The following FOXN3 variants were observed in gnomAD, a reference collection of about 807,000 sequenced individuals.
FOXN3 encodes the protein forkhead box N3, also known as forkhead box protein N3.
A neutral mutation model predicts 38.4 loss-of-function variants in FOXN3; 7 were observed. That is an observed-to-expected ratio of 0.18 (90% CI 0.10 to 0.34). The LOEUF is 0.34. Ranked by LOEUF, FOXN3 falls within the 10% of genes least tolerant of loss-of-function variation. The pLI, the probability that FOXN3 is intolerant of heterozygous loss-of-function variation, is 1.00. For missense variants in FOXN3, 456 were observed against 613.4 expected, an observed-to-expected ratio of 0.74 and a Z score of 2.71; for synonymous variants, 230 against 242.2, an observed-to-expected ratio of 0.95 and a Z score of 0.47.
chr14:89,504,221 C>A (rs1027235425), intron 1 of FOXN3, among the ~76,000 whole-genome samples: 1 of 152,218 alleles, frequency 6.6e-6, no homozygotes, highest in Non-Finnish European at 1.5e-5. Flanking sequence ...GGGACACCAA[C>A]CCCCAGAAGA....
At chr14:89,230,794 T>C (rs1169053058) in intron 4 of FOXN3, 1 of 442,998 alleles carries the variant, frequency 2.3e-6, no homozygotes, top group Non-Finnish European at 4.6e-6. Context: ...AGAGGTCACA[T>C]CTGCTTTAAA....
At chr14:89,282,848 T>G (rs1886504069) in intron 3 of FOXN3, among the ~76,000 whole-genome samples, 1 of 152,186 alleles carries the variant, frequency 6.6e-6, no homozygotes, top group Non-Finnish European at 1.5e-5. Flanking sequence ...GTCGGATAAA[T>G]CCAGTGGTTT....
At chr14:89,551,006 C>T (rs74079991) in intron 1 of FOXN3, among the ~76,000 whole-genome samples, 4,525 of 152,242 alleles carry the variant, frequency 0.03, 214 homozygotes, top group African/African-American at 0.1. Context: ...GTTTCTGGCT[C>T]GCCTTAAAAG....
At chr14:89,252,497 A>T (rs997726288) in intron 4 of FOXN3, among the ~76,000 whole-genome samples, 2 of 152,078 alleles carry the variant, frequency 1.3e-5, no homozygotes, top group Non-Finnish European at 2.9e-5. Flanking sequence ...TCTACTAAAA[A>T]TACAAAATTA....
chr14:89,615,523 C>T (rs1278921259), intron 1 of FOXN3, among the ~76,000 whole-genome samples: 5 of 152,168 alleles, frequency 3.3e-5, no homozygotes, highest in Admixed American at 6.5e-5. Flanking sequence ...AAGCCCCTTT[C>T]GAAACGAAGT....
chr14:89,406,495 A>G (rs1400061142), intron 2 of FOXN3, among the ~76,000 whole-genome samples: 1 of 152,170 alleles, frequency 6.6e-6, no homozygotes, highest in Non-Finnish European at 1.5e-5. Context: ...TAAGTTCTGC[A>G]CTTGCTAGCT....
chr14:89,245,194 A>T (rs752999274), intron 4 of FOXN3, among the ~76,000 whole-genome samples: 2 of 152,202 alleles, frequency 1.3e-5, no homozygotes, highest in Non-Finnish European at 2.9e-5. Context: ...CAAAGGAAAA[A>T]TCGAGTATGA....
At chr14:89,559,685 T>C (rs1238303439) in intron 1 of FOXN3, among the ~76,000 whole-genome samples, 1 of 151,838 alleles carries the variant, frequency 6.6e-6, no homozygotes, top group Non-Finnish European at 1.5e-5. Context: ...TAAAAAAAAA[T>C]GTAGCAAATA....
At chr14:89,491,027 T>C (rs1011316759) in intron 1 of FOXN3, among the ~76,000 whole-genome samples, 12 of 152,332 alleles carry the variant, frequency 7.9e-5, no homozygotes, top group Admixed American at 6.5e-4. Context: ...CAGGCTGGAG[T>C]GCAATGGCAC....
chr14:89,188,480 T>C (rs1887865017), intron 4 of FOXN3, among the ~76,000 whole-genome samples: 1 of 152,210 alleles, frequency 6.6e-6, no homozygotes, highest in South Asian at 2.1e-4. Flanking sequence ...TTCACCAGAC[T>C]CTTCTCCAAA....
chr14:89,452,681 TGATGCACC>T (rs1892636588), intron 1 of FOXN3, among the ~76,000 whole-genome samples: 7 of 152,094 alleles, frequency 4.6e-5, no homozygotes, highest in Admixed American at 1.3e-4. Context: ...CTGAGAAAAC[TGATGCACC>T]CACCCAACAG....
chr14:89,280,880 A>G (rs1886437995), intron 4 of FOXN3, 70 bp downstream of exon 4: 1 of 1,360,462 alleles, frequency 7.4e-7, no homozygotes, highest in Non-Finnish European at 1.0e-6. Context: ...TTTGACACCA[A>G]GCACAAAGGA....
At chr14:89,524,347 C>CA (rs1331750810) in intron 1 of FOXN3, among the ~76,000 whole-genome samples, 1 of 112,338 alleles carries the variant, frequency 8.9e-6, no homozygotes, top group African/African-American at 3.4e-5. Context: ...TGCACTCCAG[C>CA]CTGGCGACAG....
At chr14:89,415,725 A>T (rs1891681231) in intron 1 of FOXN3, among the ~76,000 whole-genome samples, 1 of 151,810 alleles carries the variant, frequency 6.6e-6, no homozygotes, top group South Asian at 2.1e-4. Context: ...TCAGAGGGAA[A>T]AAAAAAGAAT....
At chr14:89,253,605 C>T (rs1885529000) in intron 4 of FOXN3, among the ~76,000 whole-genome samples, 1 of 152,080 alleles carries the variant, frequency 6.6e-6, no homozygotes, top group South Asian at 2.1e-4. Flanking sequence ...GGCTACAGCA[C>T]CAAGAAAACA....
chr14:89,426,282 T>A (rs996490286), intron 1 of FOXN3, among the ~76,000 whole-genome samples: 1 of 136,294 alleles, frequency 7.3e-6, no homozygotes, highest in Non-Finnish European at 1.5e-5. Flanking sequence ...TGGAGCGCAG[T>A]GGCATGACCT....
At chr14:89,193,579 T>C (rs1461183653) in intron 4 of FOXN3, among the ~76,000 whole-genome samples, 1 of 152,118 alleles carries the variant, frequency 6.6e-6, no homozygotes, top group Non-Finnish European at 1.5e-5. Flanking sequence ...CAATAGTTCA[T>C]TCCTTATGGC....
intron 1 of FOXN3, among the ~76,000 whole-genome samples, chr14:89,594,014 G>A (rs1354816407): frequency 2.0e-5 from 3 of 152,214 alleles, no homozygotes; most frequent in African/African-American, 7.2e-5. Flanking sequence ...CATCCAGGTT[G>A]TGTAGCTATA....
intron 1 of FOXN3, among the ~76,000 whole-genome samples, chr14:89,524,464 A>G (rs925491717): frequency 8.0e-5 from 12 of 149,276 alleles, no homozygotes; most frequent in African/African-American, 2.7e-4. Context: ...AAGAAAGTAA[A>G]TAATAGAATG....
Sources: gnomAD v4.1 joint callset for allele counts (sites outside exome capture counted in the v4.1 genomes callset) on GRCh38, gnomAD v4.1.1 for gene constraint, MANE v1.5 for transcripts, NCBI Gene and HGNC (gene_info 2026-07-23, HGNC 2026-07-21) for gene names.